PTPRT: variants seen among roughly 807,000 people sequenced by gnomAD.
PTPRT encodes protein tyrosine phosphatase receptor type T.
PTPRT carries 56 observed loss-of-function variants against 176.8 expected under a neutral mutation model. The observed-to-expected ratio is 0.32, with a 90% confidence interval of 0.26 to 0.40. The LOEUF (loss-of-function observed/expected upper bound fraction) is 0.40. Ranked by LOEUF, PTPRT falls within the 10% of genes least tolerant of loss-of-function variation. The probability of loss-of-function intolerance (pLI) is 1.00; values close to 1 mark genes in which losing one functional copy is unlikely to be tolerated. For synonymous variants in PTPRT, 783 were observed against 739.0 expected, an observed-to-expected ratio of 1.06 and a Z score of -0.96; for missense variants, 1,540 against 1,908.2, an observed-to-expected ratio of 0.81 and a Z score of 3.60.
At chr20:43,096,166 C>CT (rs918806752) in intron 1 of PTPRT, among the ~76,000 whole-genome samples, 1 of 150,506 alleles carries the variant, frequency 6.6e-6, no homozygotes, top group Non-Finnish European at 1.5e-5. Context: ...TTCTTCTACT[C>CT]TATCTCCCCG....
rs563235671 is a variant in PTPRT at position 42,904,104 on chromosome 20, C to T, written c.89-18172G>A. ...GTCTCATCTCTACCTCTCTGATGCC[C>T]GGGAGTTCATGTGCATCCAGGATAC... On this transcript the variant is annotated intron_variant, in intron 1 of 30. Transcript: ENST00000373187. Among the ~76,000 whole-genome samples, 146 of 152,254 alleles carry T rather than the reference C, an allele frequency of 9.6e-4. 1 individual carries two copies. The highest frequency in any genetic ancestry group is 1.8e-4 in the Non-Finnish European group (12 of 68,016).
At position 42,174,073 on chromosome 20, in the gene PTPRT, T is replaced by C. The variant is rs915100402; in HGVS notation, c.2492-12531A>G. On this transcript the variant is annotated intron_variant, in intron 16 of 30. Transcript: ENST00000373187. The stretch of plus-strand genomic sequence containing the variant: ...ATTTTTCAGAAGAGAATGAAGTATA[T>C]TAAAGTAGATGAAACTGTAAGGTGG... Among the ~76,000 whole-genome samples, 7 of 152,282 alleles carry C rather than the reference T, an allele frequency of 4.6e-5. No homozygotes were observed. In the East Asian group the frequency reaches 9.6e-4, roughly 21 times the overall value.
At chr20:42,986,069 A>T (rs1983557233) in intron 1 of PTPRT, among the ~76,000 whole-genome samples, 1 of 152,232 alleles carries the variant, frequency 6.6e-6, no homozygotes, top group African/African-American at 2.4e-5. Flanking sequence ...ATCTCTATCG[A>T]TCATTCATTC....
At chr20:42,991,337 T>C (rs1983899721) in intron 1 of PTPRT, among the ~76,000 whole-genome samples, 1 of 152,090 alleles carries the variant, frequency 6.6e-6, no homozygotes, top group African/African-American at 2.4e-5. Flanking sequence ...AATACATACA[T>C]TATCTATCAC....
In PTPRT at chr20:42,073,112, C is replaced by T. The variant is rs142078724; in HGVS notation, c.*7767G>A. 7.3e-4 allele frequency: 153 copies of T among 208,940 alleles called. No homozygotes were observed. The highest frequency in any genetic ancestry group is 3.3e-3 in the African/African-American group (147 of 44,046). 12.9% of individuals were successfully genotyped at this position (208,940 alleles called of 1,614,324 possible). On this transcript the variant is annotated 3_prime_UTR_variant, in exon 31 of 31. Coordinates refer to ENST00000373187, the MANE Select transcript of PTPRT (RefSeq NM_007050.6). Reference sequence around the variant, plus strand: ...CCATTGGGATTCATGGAGGAGGCTGCAAAGAGTGTGGAGACTTTGGTCTCA... The same window carrying T: ...CCATTGGGATTCATGGAGGAGGCTGTAAAGAGTGTGGAGACTTTGGTCTCA...
intron 1 of PTPRT, among the ~76,000 whole-genome samples, chr20:42,926,213 C>T (rs900794527): frequency 6.6e-6 from 1 of 152,136 alleles, no homozygotes; most frequent in Non-Finnish European, 1.5e-5. Flanking sequence ...GGTGGGCCCT[C>T]TCTCCCTGAC....
chr20:42,796,710 T>A (rs1321460905), intron 2 of PTPRT, among the ~76,000 whole-genome samples: 2 of 152,230 alleles, frequency 1.3e-5, no homozygotes, highest in Non-Finnish European at 2.9e-5. Flanking sequence ...AGGAGAAGTA[T>A]GTGCACACAC....
intron 25 of PTPRT, among the ~76,000 whole-genome samples, chr20:42,104,272 C>A (rs1986219423): frequency 6.6e-6 from 1 of 152,060 alleles, no homozygotes; most frequent in Non-Finnish European, 1.5e-5. Flanking sequence ...AGTTGAAGAC[C>A]ATCCTGGGCA....
At chr20:42,193,411 C>T (rs1032864133) in intron 16 of PTPRT, among the ~76,000 whole-genome samples, 1 of 152,246 alleles carries the variant, frequency 6.6e-6, no homozygotes, top group Admixed American at 6.5e-5. Context: ...GAAGTTCTCC[C>T]TTTCTCCCGG....
intron 1 of PTPRT, among the ~76,000 whole-genome samples, chr20:42,942,159 C>A (rs1980594863): frequency 6.6e-6 from 1 of 152,122 alleles, no homozygotes; most frequent in African/African-American, 2.4e-5. Context: ...TGATAGAAAC[C>A]CGATTCCCAA....
intron 1 of PTPRT, among the ~76,000 whole-genome samples, chr20:43,134,302 G>C (rs1017163007): frequency 6.6e-6 from 1 of 152,268 alleles, no homozygotes. Flanking sequence ...CCTTTTCCTT[G>C]GCCCATCTGT....
At chr20:42,829,446 G>A (rs1447342418) in intron 2 of PTPRT, among the ~76,000 whole-genome samples, 1 of 152,194 alleles carries the variant, frequency 6.6e-6, no homozygotes, top group African/African-American at 2.4e-5. Flanking sequence ...GGCCATGATT[G>A]GCCAGGCGCA....
intron 7 of PTPRT, among the ~76,000 whole-genome samples, chr20:42,662,672 G>C (rs1246209329): frequency 6.6e-6 from 1 of 152,174 alleles, no homozygotes; most frequent in African/African-American, 2.4e-5. Flanking sequence ...ATCCTAAGGA[G>C]TGAATCTAGC....
intron 18 of PTPRT, among the ~76,000 whole-genome samples, chr20:42,140,214 T>G (rs1205720142): frequency 6.6e-6 from 1 of 151,670 alleles, no homozygotes; most frequent in Non-Finnish European, 1.5e-5. Context: ...AAATAATTTG[T>G]CATTCAGGAT....
At chr20:42,756,378 G>T in intron 6 of PTPRT, 84 bp downstream of exon 6, 2 of 1,307,978 alleles carry the variant, frequency 1.5e-6, no homozygotes, top group East Asian at 2.7e-5. Context: ...ATGTGGGGGA[G>T]GATCAGCAGA....
At chr20:42,283,765 C>T (rs901686982) in intron 12 of PTPRT, among the ~76,000 whole-genome samples, 3 of 152,026 alleles carry the variant, frequency 2.0e-5, no homozygotes, top group Admixed American at 1.3e-4. Context: ...AGACACATGG[C>T]CATGCCTAAT....
intron 1 of PTPRT, among the ~76,000 whole-genome samples, chr20:43,170,160 T>C (rs2014960855): frequency 6.7e-6 from 1 of 149,784 alleles, no homozygotes; most frequent in Admixed American, 6.6e-5. Flanking sequence ...CCCGTATATA[T>C]ACTCGATATA....
chr20:42,730,499 A>G (rs2076444203), intron 6 of PTPRT, among the ~76,000 whole-genome samples: 1 of 152,190 alleles, frequency 6.6e-6, no homozygotes, highest in African/African-American at 2.4e-5. Context: ...CATAACAGAT[A>G]GAGGATAGAG....
At chr20:43,031,235 G>A (rs773160964) in intron 1 of PTPRT, among the ~76,000 whole-genome samples, 2 of 152,142 alleles carry the variant, frequency 1.3e-5, no homozygotes, top group East Asian at 1.9e-4. Context: ...CTAAGCTGTC[G>A]GTGGCAGTAC....
Sources: allele counts gnomAD v4.1 joint callset (sites outside exome capture counted in the v4.1 genomes callset), GRCh38; gene constraint gnomAD v4.1.1; transcripts MANE v1.5; gene names NCBI Gene and HGNC (gene_info 2026-07-23, HGNC 2026-07-21).